The following KANSL1 variants were observed in gnomAD, a reference collection of about 807,000 sequenced individuals.
The protein encoded by KANSL1 is MLL1/MLL complex subunit KANSL1.
KANSL1 carries 22 observed loss-of-function variants against 103.6 expected under a neutral mutation model. That is an observed-to-expected ratio of 0.21 (90% confidence interval 0.15 to 0.30). The LOEUF (loss-of-function observed/expected upper bound fraction) is 0.30. Ranked by LOEUF, KANSL1 falls within the 10% of genes least tolerant of loss-of-function variation. The probability of loss-of-function intolerance (pLI) is 1.00; values close to 1 mark genes in which losing one functional copy is unlikely to be tolerated. For synonymous variants in KANSL1, 600 were observed against 527.6 expected (o/e 1.14, Z -1.88); for missense variants, 1,337 against 1,399.8 (o/e 0.96, Z 0.72).
chr17:46,105,951 C>T (rs371996525), intron 2 of KANSL1, among the ~76,000 whole-genome samples: 2 of 92,274 alleles, frequency 2.2e-5, no homozygotes, highest in Admixed American at 9.7e-5. Flanking sequence ...ACACACACCC[C>T]CCCAGAAGGG....
intron 6 of KANSL1, among the ~76,000 whole-genome samples, chr17:46,065,573 T>C (rs2078348779): frequency 1.3e-5 from 2 of 152,172 alleles, no homozygotes. Context: ...ATGAGATCTC[T>C]GAGGCTTTGG....
intron 11 of KANSL1, 55 bp from the exon 12 acceptor site, chr17:46,033,515 C>T (rs2077068310): frequency 1.3e-6 from 2 of 1,481,494 alleles, no homozygotes; most frequent in East Asian, 2.3e-5. Flanking sequence ...AAACTGGGGG[C>T]AGGGTCAAAG....
chr17:46,182,425 T>C (rs552890899), intron 1 of KANSL1, among the ~76,000 whole-genome samples: 124 of 152,334 alleles, frequency 8.1e-4, no homozygotes, highest in Admixed American at 1.4e-3. Flanking sequence ...ATTTTACATA[T>C]GAACAAAAGT....
Position 46,171,782 on chromosome 17 carries a change from C to A in KANSL1, c.362G>T (p.Arg121Leu). 6.2e-7 allele frequency: 1 copy of A among 1,610,746 alleles called. No individual in the cohort carries two copies. Among genetic ancestry groups the A allele is most frequent in the Non-Finnish European group, 8.5e-7 (1 of 1,178,320 alleles). ...HPLLSQSYEL[R>L]AELLGRQPVL... ...TGGCTGTCTCCCCAACAGCTCAGCT[C>A]GGAGTTCATAGGACTGAGATAAGAG... is the stretch of plus-strand genomic sequence containing the variant. The change falls in exon 2 of 15, where the codon CGA becomes CTA. Residue 121 changes from arginine (R) to leucine (L), a missense_variant. Arg to Leu is a moderately radical substitution (Grantham distance 102). This residue lies in a region of KANSL1 where 557 missense variants were observed against 476.4 expected (regional missense o/e 1.17). Coordinates refer to ENST00000432791, the MANE Select transcript of KANSL1 (RefSeq NM_015443.4).
intron 2 of KANSL1, among the ~76,000 whole-genome samples, chr17:46,146,227 T>C (rs62063215): frequency 0.12 from 17,403 of 150,360 alleles, no homozygotes; most frequent in Non-Finnish European, 0.17. Flanking sequence ...CACCTCATAT[T>C]TGAATAGACG....
intron 13 of KANSL1, 78 bp from the exon 14 acceptor site, chr17:46,032,377 C>A: frequency 7.7e-7 from 1 of 1,300,022 alleles, no homozygotes. Flanking sequence ...AAAAGCATCC[C>A]CACTGGAGGA....
At chr17:46,091,595 C>A (rs980899854) in intron 3 of KANSL1, among the ~76,000 whole-genome samples, 3 of 152,038 alleles carry the variant, frequency 2.0e-5, no homozygotes, top group Admixed American at 2.0e-4. Flanking sequence ...TACAGGTGTA[C>A]CATTTTTATC....
chr17:46,174,553 A>C (rs1193902772), intron 1 of KANSL1, among the ~76,000 whole-genome samples: 2 of 152,244 alleles, frequency 1.3e-5, no homozygotes, highest in Non-Finnish European at 2.9e-5. Flanking sequence ...TGAATTTTTG[A>C]TTGCATATAA....
chr17:46,186,977 C>T (rs186251069), intron 1 of KANSL1, among the ~76,000 whole-genome samples: 1 of 152,244 alleles, frequency 6.6e-6, no homozygotes, highest in East Asian at 1.9e-4. Flanking sequence ...CTCAGGTGAT[C>T]CGCCTCGGCC....
At chr17:46,153,566 A>T (rs1237035174) in intron 2 of KANSL1, among the ~76,000 whole-genome samples, 1 of 152,264 alleles carries the variant, frequency 6.6e-6, no homozygotes, top group African/African-American at 2.4e-5. Context: ...TTTATGTAAT[A>T]GGAACAGAAC....
At chr17:46,219,488 A>G (rs1464545945) in intron 1 of KANSL1, among the ~76,000 whole-genome samples, 11 of 152,268 alleles carry the variant, frequency 7.2e-5, no homozygotes, top group Non-Finnish European at 1.2e-4. Flanking sequence ...TAGGCCTCTC[A>G]AGTAGCTGCA....
intron 2 of KANSL1, among the ~76,000 whole-genome samples, chr17:46,101,960 T>A (rs2042341474): frequency 6.6e-6 from 1 of 152,128 alleles, no homozygotes; most frequent in African/African-American, 2.4e-5. Context: ...TTTAGAGTCA[T>A]CTAAAAGTTC....
At chr17:46,168,589 C>T (rs906782692) in intron 2 of KANSL1, among the ~76,000 whole-genome samples, 7 of 152,162 alleles carry the variant, frequency 4.6e-5, no homozygotes, top group African/African-American at 1.4e-4. Context: ...TCAAGTGATC[C>T]GCCCGCCTCA....
upstream of KANSL1, chr17:46,193,673 C>G (rs779797038): frequency 6.6e-4 from 203 of 306,818 alleles, no homozygotes; most frequent in Non-Finnish European, 9.6e-4. Flanking sequence ...GCCCCAGCTG[C>G]CCCGGACGTG....
chr17:46,149,624 C>A (rs1374976503), intron 2 of KANSL1, among the ~76,000 whole-genome samples: 2 of 152,252 alleles, frequency 1.3e-5, no homozygotes, highest in African/African-American at 4.8e-5. Flanking sequence ...ATTTGGCATA[C>A]AGGGCATAGT....
chr17:46,171,037 G>C lies in KANSL1; in HGVS notation c.1107C>G (p.Asn369Lys). The C allele has an allele frequency of 6.2e-7, 1 of 1,614,190 alleles. No individual in the cohort carries two copies. Among genetic ancestry groups the C allele is most frequent in the African/African-American group, 1.3e-5 (1 of 75,060 alleles). ...CTGAAATTGAATTGCTTTTCAGAAA[G>C]TTGCTAAGTCCCTCTGAAGTGGTGG... ...SETTTSEGLS[N>K]FLKSNSISEE... The change falls in exon 2 of 15, where the codon AAC becomes AAG. Residue 369 changes from asparagine to lysine, a missense_variant. By Grantham distance (94) the Asn-to-Lys change is moderately conservative (BLOSUM62 0). This residue lies in a region of KANSL1 where 557 missense variants were observed against 476.4 expected (regional missense o/e 1.17). Transcript: ENST00000432791.
upstream of KANSL1, chr17:46,193,683 GC>G: frequency 3.3e-6 from 1 of 303,194 alleles, no homozygotes; most frequent in Non-Finnish European, 6.8e-6. Flanking sequence ...CCCCGGACGT[GC>G]GGCGACGGCA....
At chr17:46,125,459 G>A (rs111265782) in intron 2 of KANSL1, among the ~76,000 whole-genome samples, 107 of 152,148 alleles carry the variant, frequency 7.0e-4, no homozygotes, top group African/African-American at 2.5e-3. Context: ...ATGAACCTGT[G>A]ATATCTCTGA....
At chr17:46,189,633 G>A (rs919130226) in intron 1 of KANSL1, among the ~76,000 whole-genome samples, 14 of 152,154 alleles carry the variant, frequency 9.2e-5, no homozygotes, top group Middle Eastern at 3.4e-3. Flanking sequence ...CTGTAATTCC[G>A]GCACTTCTGG....
Sources: allele counts gnomAD v4.1 joint callset (sites outside exome capture counted in the v4.1 genomes callset), GRCh38; gene constraint gnomAD v4.1.1; regional missense constraint gnomAD v4.1.1; transcripts MANE v1.5; gene names NCBI Gene and HGNC (gene_info 2026-07-23, HGNC 2026-07-21).